Variants in ESRRB observed in about 807,000 individuals in gnomAD.
ESRRB encodes steroid hormone receptor ERR2.
In ESRRB, 16 loss-of-function variants were observed where a neutral mutation model predicts 46.0. That is an observed-to-expected ratio of 0.35 (90% CI 0.24 to 0.53). ESRRB has a LOEUF of 0.53. ESRRB is among the 20% of genes least tolerant of loss of function. The pLI is 0.93. For missense variants in ESRRB, 488 were observed against 607.4 expected, an observed-to-expected ratio of 0.80 and a Z score of 2.07; for synonymous variants, 246 against 259.6, an observed-to-expected ratio of 0.95 and a Z score of 0.50.
At chr14:76,474,898 G>A (rs1212123341) in intron 3 of ESRRB, among the ~76,000 whole-genome samples, 1 of 151,840 alleles carries the variant, frequency 6.6e-6, no homozygotes, top group African/African-American at 2.4e-5. Context: ...GTCCAGCCTG[G>A]GCAACATAGT....
At chr14:76,390,718 C>T (rs1041123931) in intron 1 of ESRRB, among the ~76,000 whole-genome samples, 3 of 152,126 alleles carry the variant, frequency 2.0e-5, no homozygotes, top group Non-Finnish European at 2.9e-5. Context: ...GACCCCTGTG[C>T]GTAGGGTTTA....
At chr14:76,426,159 AG>A (rs1321188135) in intron 1 of ESRRB, among the ~76,000 whole-genome samples, 1 of 152,194 alleles carries the variant, frequency 6.6e-6, no homozygotes, top group Non-Finnish European at 1.5e-5. Flanking sequence ...TCAGGGGCCC[AG>A]GCTCCTGCTA....
intron 1 of ESRRB, among the ~76,000 whole-genome samples, chr14:76,347,907 G>A (rs1884269551): frequency 6.6e-6 from 1 of 152,180 alleles, no homozygotes; most frequent in South Asian, 2.1e-4. Context: ...CTTTCTATAT[G>A]TGACAAATGG....
chr14:76,497,750 C>T (rs968803573), intron 6 of ESRRB, among the ~76,000 whole-genome samples: 9 of 152,232 alleles, frequency 5.9e-5, no homozygotes, highest in African/African-American at 1.9e-4. Context: ...GGGCTAGGGG[C>T]GGTGGTAGGG....
intron 1 of ESRRB, among the ~76,000 whole-genome samples, chr14:76,325,894 G>A (rs895597372): frequency 6.6e-6 from 1 of 152,172 alleles, no homozygotes; most frequent in Non-Finnish European, 1.5e-5. Flanking sequence ...TTCCTCTACT[G>A]CACTCAGCCT....
chr14:76,417,320 C>T (rs181062929), intron 1 of ESRRB, among the ~76,000 whole-genome samples: 24 of 152,130 alleles, frequency 1.6e-4, no homozygotes, highest in African/African-American at 5.3e-4. Flanking sequence ...GACCTTGGCA[C>T]ACTTGGGGAA....
chr14:76,400,291 G>A (rs1885883314), intron 1 of ESRRB, among the ~76,000 whole-genome samples: 1 of 152,166 alleles, frequency 6.6e-6, no homozygotes, highest in Non-Finnish European at 1.5e-5. Context: ...TAGAAGTTTT[G>A]AATAAGAAAA....
chr14:76,324,963 CTTT>C (rs34780208), intron 1 of ESRRB, among the ~76,000 whole-genome samples: 1 of 102,204 alleles, frequency 9.8e-6, no homozygotes. Context: ...TTTTCTTTTT[CTTT>C]TTTTTTTTTT....
At chr14:76,340,001 G>A (rs570844759) in intron 1 of ESRRB, among the ~76,000 whole-genome samples, 9 of 152,058 alleles carry the variant, frequency 5.9e-5, no homozygotes, top group African/African-American at 1.7e-4. Context: ...AATTAGACAC[G>A]TCCGAGAGGG....
At chr14:76,471,610 A>G (rs1013864977) in intron 3 of ESRRB, among the ~76,000 whole-genome samples, 5 of 152,058 alleles carry the variant, frequency 3.3e-5, no homozygotes, top group Non-Finnish European at 7.4e-5. Context: ...TCTGCCTGGA[A>G]TCCTCTCCCC....
At chr14:76,341,196 C>A (rs1330263654) in intron 1 of ESRRB, among the ~76,000 whole-genome samples, 1 of 152,204 alleles carries the variant, frequency 6.6e-6, no homozygotes, top group Non-Finnish European at 1.5e-5. Context: ...TAGGTCCTGG[C>A]GTTTCTCAGA....
At chr14:76,370,108 A>G (rs1332746834), upstream of ESRRB, among the ~76,000 whole-genome samples, 1 of 152,088 alleles carries the variant, frequency 6.6e-6, no homozygotes, top group Non-Finnish European at 1.5e-5. Context: ...ATTGTTGCCA[A>G]AGCCAGGCAT....
chr14:76,395,750 A>T (rs1486037007), intron 1 of ESRRB, among the ~76,000 whole-genome samples: 1 of 150,542 alleles, frequency 6.6e-6, no homozygotes, highest in Non-Finnish European at 1.5e-5. Flanking sequence ...GAAAATTATA[A>T]ATTCATTTTA....
chr14:76,431,550 G>T (rs1420025020), intron 1 of ESRRB, among the ~76,000 whole-genome samples: 1 of 152,190 alleles, frequency 6.6e-6, no homozygotes, highest in Admixed American at 6.5e-5. Flanking sequence ...AGGGAACAGG[G>T]TCCCACGCTG....
chr14:76,416,536 C>T (rs894762150), intron 1 of ESRRB, among the ~76,000 whole-genome samples: 5 of 151,982 alleles, frequency 3.3e-5, no homozygotes, highest in Admixed American at 6.6e-5. Context: ...ATGGCGTGAT[C>T]GTGGTTCACT....
At chr14:76,475,204 C>A (rs561739177) in intron 3 of ESRRB, among the ~76,000 whole-genome samples, 35 of 151,534 alleles carry the variant, frequency 2.3e-4, no homozygotes, top group Middle Eastern at 3.5e-3. Flanking sequence ...TAGAGTGAGA[C>A]CCTGTCTCTT....
At chr14:76,473,573 C>T (rs1280238229) in intron 3 of ESRRB, among the ~76,000 whole-genome samples, 1 of 152,192 alleles carries the variant, frequency 6.6e-6, no homozygotes, top group East Asian at 1.9e-4. Context: ...TTTTTAGTGC[C>T]CGGGTGTAAA....
chr14:76,484,922 TTAGTGTG>T (rs1889946177), intron 5 of ESRRB, among the ~76,000 whole-genome samples: 2 of 152,220 alleles, frequency 1.3e-5, no homozygotes, highest in African/African-American at 4.8e-5. Context: ...TGTAGCGCGC[TTAGTGTG>T]TACACCGGGT....
In ESRRB at chr14:76,333,150, T is replaced by TATATAATATATA. The variant is rs1884072114; in HGVS notation, c.2+22239_2+22240insATATATAATATA. ...ATATTATATATTATATATTATATATTATATATAATATATATTATATATACT... is the reference window on the plus strand; with the variant it reads ...ATATTATATATTATATATTATATATTATATAATATATAATATATAATATATATTATATATACT... On this transcript the variant is annotated intron_variant, in intron 1 of 6. Transcript: ENST00000512784. Among the ~76,000 whole-genome samples, 2 of 8,696 alleles carry TATATAATATATA rather than the reference T, an allele frequency of 2.3e-4. 1 individual carries two copies. Among genetic ancestry groups the TATATAATATATA allele is most frequent in the Non-Finnish European group, 4.4e-4 (2 of 4,554 alleles). 5.7% of individuals were successfully genotyped at this position (8,696 alleles called of 152,430 possible). A position where few individuals can be genotyped will look rare whatever the true frequency, so the allele number is the denominator to read the frequency against.
Sources: allele counts gnomAD v4.1 joint callset (sites outside exome capture counted in the v4.1 genomes callset), GRCh38; gene constraint gnomAD v4.1.1; transcripts MANE v1.5; gene names NCBI Gene and HGNC (gene_info 2026-07-23, HGNC 2026-07-21).